SMAD9: variants seen among roughly 807,000 people sequenced by gnomAD.
SMAD9 encodes the protein MAD homolog 9.
A neutral mutation model predicts 46.1 loss-of-function variants in SMAD9; 36 were observed. The observed-to-expected ratio is 0.78, with a 90% confidence interval of 0.60 to 1.03. The LOEUF is 1.03. Among genes scored for constraint, SMAD9 ranks in the 50% least tolerant of loss-of-function variants. The pLI is 0.00. For synonymous variants in SMAD9, 245 were observed against 237.1 expected (o/e 1.03, Z -0.31); for missense variants, 572 against 599.8 (o/e 0.95, Z 0.48).
intron 5 of SMAD9, among the ~76,000 whole-genome samples, chr13:36,857,123 G>A (rs982379480): frequency 2.6e-5 from 4 of 151,900 alleles, no homozygotes; most frequent in Admixed American, 6.6e-5. Context: ...CCTTTAAAAC[G>A]GTACAGGAAA....
intron 1 of SMAD9, among the ~76,000 whole-genome samples, chr13:36,907,670 C>A (rs1207962879): frequency 6.6e-6 from 1 of 152,044 alleles, no homozygotes; most frequent in Non-Finnish European, 1.5e-5. Flanking sequence ...AAGACCCTGA[C>A]TCTAAAAATA....
In SMAD9 at chr13:36,848,498, T is replaced by C. The variant is rs1229261902; in HGVS notation, c.*178A>G. On this transcript the variant is annotated 3_prime_UTR_variant, in exon 7 of 7. Transcript: ENST00000379826. ...AAGTCCTGCTTTTCCAATTGCACTG[T>C]ACTGGCATCAGGTTAACTAGAAAGC... 1 of 683,048 alleles carries C rather than the reference T, an allele frequency of 1.5e-6. No homozygotes were observed. The highest frequency in any genetic ancestry group is 1.8e-5 in the African/African-American group (1 of 56,882). 42.3% of individuals were successfully genotyped at this position (683,048 alleles called of 1,614,324 possible).
Position 36,873,823 on chromosome 13 carries a change from A to ATTAT in SMAD9, c.413-909_413-908insATAA, listed in dbSNP as rs2058320019. Among the ~76,000 whole-genome samples, 5 of 152,344 alleles carry ATTAT rather than the reference A, an allele frequency of 3.3e-5. No homozygotes were observed. The South Asian group carries it at 8.3e-4, about 25-fold the overall frequency. On this transcript the variant is annotated intron_variant, in intron 2 of 6. Transcript: ENST00000379826. ...AGTTGCAGTGAGCCGAGATCATACC[A>ATTAT]TTGCACTCCAGCCTGGGTGACAAGA...
At chr13:36,905,774 CAAAAAAAA>C (rs60358673) in intron 1 of SMAD9, among the ~76,000 whole-genome samples, 21 of 66,434 alleles carry the variant, frequency 3.2e-4, no homozygotes, top group Non-Finnish European at 4.7e-4. Flanking sequence ...GACCCTGTCT[CAAAAAAAA>C]AAAAAAAAAA....
chr13:36,846,473 CAAAAAAAAAAAAA>C lies in SMAD9; in HGVS notation c.*2190_*2202del, dbSNP rs10579121. 3.9e-5 allele frequency: 3 copies of C among 77,304 alleles called. No individual in the cohort carries two copies. Among genetic ancestry groups the C allele is most frequent in the African/African-American group, 1.4e-4 (3 of 20,806 alleles). The allele number at this position is 77,304 out of a possible 1,614,324, so 4.8% of individuals were successfully genotyped here. ...CTGGTGACACAGCGAGACTCCATCT[CAAAAAAAAAAAAA>C]AAAAAAAAAAGATTACCAGAGGATA... is the stretch of plus-strand genomic sequence containing the variant. On this transcript the variant is annotated 3_prime_UTR_variant, in exon 7 of 7. Coordinates refer to ENST00000379826, the MANE Select transcript of SMAD9 (RefSeq NM_001127217.3).
chr13:36,853,635 C>T lies in SMAD9; in HGVS notation c.1044G>A (p.Glu348=), dbSNP rs768997177. 1.2e-6 allele frequency: 2 copies of T among 1,614,114 alleles called. No individual in the cohort carries two copies. The highest frequency in any genetic ancestry group is 1.7e-6 in the Non-Finnish European group (2 of 1,179,992). The change falls in exon 6 of 7, where the codon GAG becomes GAA. Residue 348 remains glutamate, a synonymous_variant. Transcript: ENST00000379826. ...CAAAGATGCTGCTGTCACTCACGCA[C>T]TCGGCATACACCTCTCCCCCGACGT... The part of the protein sequence containing the change: ...LYYVGGEVYA[E]CVSDSSIFVQ...
chr13:36,862,488 C>CAG (rs10674946), intron 5 of SMAD9, among the ~76,000 whole-genome samples: 130,847 of 152,048 alleles, frequency 0.86, 56,424 homozygotes, highest in African/African-American at 0.9. Flanking sequence ...TGGCCGTGCC[C>CAG]AGGTTACCCT....
rs186770224 is a variant in SMAD9, at chr13:36,862,775, C to T, written c.1003+2762G>A. ...AAGAATCTTCTCTTGGGGTCTGAAT[C>T]GGGACACCTTTCTGGTAACATCTTC... On this transcript the variant is annotated intron_variant, in intron 5 of 6. Transcript: ENST00000379826. Among the ~76,000 whole-genome samples the T allele has an allele frequency of 4.6e-5, 7 of 152,246 alleles. No homozygotes were observed. The East Asian group carries it at 7.7e-4, about 17-fold the overall frequency.
At chr13:36,889,770 C>A (rs1375955704) in intron 1 of SMAD9, among the ~76,000 whole-genome samples, 1 of 152,040 alleles carries the variant, frequency 6.6e-6, no homozygotes, top group Non-Finnish European at 1.5e-5. Flanking sequence ...AAATGTAGAT[C>A]CTTAGAAATC....
chr13:36,892,841 T>G (rs1301471553), intron 1 of SMAD9, among the ~76,000 whole-genome samples: 1 of 152,150 alleles, frequency 6.6e-6, no homozygotes, highest in Non-Finnish European at 1.5e-5. Context: ...ATGCAAAATC[T>G]CAAACAGAAT....
chr13:36,902,722 T>TTGG (rs1342989697), intron 1 of SMAD9, among the ~76,000 whole-genome samples: 1 of 152,028 alleles, frequency 6.6e-6, no homozygotes, highest in Non-Finnish European at 1.5e-5. Flanking sequence ...TCCCAAAGTG[T>TTGG]TGGGATTACA....
chr13:36,885,375 G>A (rs1331562577), intron 1 of SMAD9, among the ~76,000 whole-genome samples: 1 of 150,042 alleles, frequency 6.7e-6, no homozygotes, highest in Non-Finnish European at 1.5e-5. Flanking sequence ...GAAGAAACTG[G>A]GCTTAAAACA....
intron 1 of SMAD9, among the ~76,000 whole-genome samples, chr13:36,904,039 G>T (rs1451324295): frequency 6.6e-6 from 1 of 152,070 alleles, no homozygotes; most frequent in Non-Finnish European, 1.5e-5. Flanking sequence ...TATGTAAACT[G>T]CCACTGAATA....
At chr13:36,880,176 T>C (rs1014798788) in intron 1 of SMAD9, among the ~76,000 whole-genome samples, 3 of 152,228 alleles carry the variant, frequency 2.0e-5, no homozygotes, top group Non-Finnish European at 2.9e-5. Context: ...GCCCTCAAAG[T>C]CTTTGGAGTT....
intron 1 of SMAD9, among the ~76,000 whole-genome samples, chr13:36,888,802 T>G (rs114652634): frequency 6.6e-5 from 10 of 152,238 alleles, no homozygotes; most frequent in Non-Finnish European, 1.5e-4. Flanking sequence ...TTTGTGTGCT[T>G]TACTAAAGGA....
At position 36,846,686 on chromosome 13, in the gene SMAD9, AAAC is replaced by A. The variant is rs2058040536; in HGVS notation, c.*1987_*1989del. 1 of 152,176 alleles carries A rather than the reference AAAC, an allele frequency of 6.6e-6. No individual in the cohort carries two copies. The highest frequency in any genetic ancestry group is 2.4e-5 in the African/African-American group (1 of 41,430). 9.4% of individuals were successfully genotyped at this position (152,176 alleles called of 1,614,324 possible). A position where few individuals can be genotyped will look rare whatever the true frequency, so the allele number is the denominator to read the frequency against. The stretch of plus-strand genomic sequence containing the variant: ...AACAGGGAAGAAAGGGGAGGAAAAA[AAAC>A]AACTTTGAGACATGGAAGAAAAGTA... On this transcript the variant is annotated 3_prime_UTR_variant, in exon 7 of 7. Transcript: ENST00000379826.
intron 1 of SMAD9, among the ~76,000 whole-genome samples, chr13:36,910,309 T>C (rs1447931202): frequency 1.3e-5 from 2 of 151,922 alleles, no homozygotes; most frequent in Non-Finnish European, 2.9e-5. Context: ...ATAGTGAATA[T>C]GAGAAGAGGG....
chr13:36,870,666 C>CCCCT (rs1566021421), intron 3 of SMAD9, among the ~76,000 whole-genome samples: 1 of 152,146 alleles, frequency 6.6e-6, no homozygotes, highest in African/African-American at 2.4e-5. Context: ...CAGTGGCTAC[C>CCCCT]TGAAGTTGTG....
At chr13:36,869,516 C>T (rs2058268313) in intron 3 of SMAD9, among the ~76,000 whole-genome samples, 1 of 152,070 alleles carries the variant, frequency 6.6e-6, no homozygotes, top group Non-Finnish European at 1.5e-5. Flanking sequence ...GCCACTGCAC[C>T]CGGCTAGACT....
Sources: gnomAD v4.1 joint callset for allele counts (sites outside exome capture counted in the v4.1 genomes callset) on GRCh38, gnomAD v4.1.1 for gene constraint, MANE v1.5 for transcripts, NCBI Gene and HGNC (gene_info 2026-07-23, HGNC 2026-07-21) for gene names.